Variants in ZC3H6 observed in about 807,000 individuals in gnomAD.
ZC3H6 encodes zinc finger CCCH-type containing 6.
Under a neutral mutation model 107.7 loss-of-function variants are expected in ZC3H6, and 40 were observed. The ratio of observed to expected loss-of-function variants is 0.37; its 90% CI spans 0.29 to 0.48. The LOEUF is 0.48. ZC3H6 is among the 20% of genes least tolerant of loss of function. The pLI, the probability that ZC3H6 is intolerant of heterozygous loss-of-function variation, is 0.98. For synonymous variants in ZC3H6, 493 were observed against 487.9 expected (o/e 1.01, Z -0.14); for missense variants, 1,267 against 1,410.4 (o/e 0.90, Z 1.63).
intron 4 of ZC3H6, among the ~76,000 whole-genome samples, chr2:112,310,868 AATTTGGTT>A (rs1468838671): frequency 6.6e-6 from 1 of 152,198 alleles, no homozygotes; most frequent in Non-Finnish European, 1.5e-5. Flanking sequence ...GTTATGAGTA[AATTTGGTT>A]ATTTCTATGA....
rs755810435 is a variant in ZC3H6, at chr2:112,331,485, T to C, written c.2567T>C (p.Leu856Ser). 1 of 1,613,986 alleles carries C rather than the reference T, an allele frequency of 6.2e-7. No homozygotes were observed. The highest frequency in any genetic ancestry group is 1.1e-5 in the South Asian group (1 of 91,082). Residue 856 changes from leucine to serine, a missense_variant, in exon 12 of 12, where the codon TTG becomes TCG. This residue lies in a region of ZC3H6 where 925 missense variants were observed against 1,025.7 expected (regional missense o/e 0.90). Transcript: ENST00000409871. ...GIMLQDPRSQ[L>S]RQFSHIKMDI... The stretch of plus-strand genomic sequence containing the variant: ...ATGCTCCAGGATCCAAGGTCACAAT[T>C]GAGACAGTTCAGTCACATTAAAATG...
At position 112,324,525 on chromosome 2, in the gene ZC3H6, G is replaced by A; in HGVS notation, c.1714G>A (p.Gly572Ser). ...ACCCAGAGAGAATCACTGTTCTCCA[G>A]GTTCATCATACCAGCAAAGTCCTGG... ...KVPRENHCSPGSSYQQSPGEM... is the reference protein window; with the variant it reads ...KVPRENHCSPSSSYQQSPGEM... The change falls in exon 10 of 12, where the codon GGT (glycine) becomes AGT (serine). Residue 572 changes from glycine (G) to serine (S), a missense_variant. Gly to Ser is a moderately conservative substitution (Grantham distance 56). Around this residue, in one of 3 missense-constraint regions of ZC3H6, gnomAD observed 925 missense variants for 1,025.7 expected, o/e 0.90. Transcript: ENST00000409871. The A allele has an allele frequency of 6.2e-7, 1 of 1,612,970 alleles. No individual in the cohort carries two copies.
chr2:112,307,331 C>T (rs1676494485), intron 3 of ZC3H6, among the ~76,000 whole-genome samples: 1 of 152,084 alleles, frequency 6.6e-6, no homozygotes, highest in African/African-American at 2.4e-5. Context: ...TCAGGGCCTC[C>T]TTTTCCTTTA....
chr2:112,276,233 C>T (rs1686419187), intron 1 of ZC3H6, among the ~76,000 whole-genome samples: 1 of 148,384 alleles, frequency 6.7e-6, no homozygotes, highest in Non-Finnish European at 1.5e-5. Context: ...GAGCCGGGGT[C>T]GCTGCTCGCC....
intron 7 of ZC3H6, among the ~76,000 whole-genome samples, chr2:112,320,073 C>T (rs1349226828): frequency 2.6e-5 from 4 of 152,108 alleles, no homozygotes; most frequent in Non-Finnish European, 4.4e-5. Context: ...GCTGGGATTA[C>T]AGGCATGCAC....
rs776430685 is a variant in ZC3H6 at position 112,332,413 on chromosome 2, C to G, written c.3495C>G (p.Pro1165=). The G allele has an allele frequency of 3.1e-6, 5 of 1,613,190 alleles. No homozygotes were observed. The highest frequency in any genetic ancestry group is 3.4e-6 in the Non-Finnish European group (4 of 1,179,822). ...GQGSPTPDND[P]GRETDDKSLK... ...GGAGCCCGACCCCAGATAATGATCCCGGTAGAGAAACAGATGACAAATCTC... is the reference window on the plus strand; with the variant it reads ...GGAGCCCGACCCCAGATAATGATCCGGGTAGAGAAACAGATGACAAATCTC... Residue 1165 remains proline (P), a synonymous_variant, in exon 12 of 12, where the codon CCC becomes CCG. Coordinates refer to ENST00000409871, the MANE Select transcript of ZC3H6 (RefSeq NM_198581.3).
At chr2:112,280,376 TCTGA>T (rs1031037090) in intron 1 of ZC3H6, among the ~76,000 whole-genome samples, 1 of 152,250 alleles carries the variant, frequency 6.6e-6, no homozygotes, top group African/African-American at 2.4e-5. Context: ...TGTAAAGCAC[TCTGA>T]CTCTCAGGAA....
At chr2:112,289,318 TTTTC>T in intron 1 of ZC3H6, among the ~76,000 whole-genome samples, 1 of 79,096 alleles carries the variant, frequency 1.3e-5, no homozygotes. Context: ...TTTTTTTTCT[TTTTC>T]TTTTTTTTTT....
chr2:112,332,052 G>A lies in ZC3H6; in HGVS notation c.3134G>A (p.Gly1045Asp). The A allele has an allele frequency of 6.2e-7, 1 of 1,613,998 alleles. No homozygotes were observed. The highest frequency in any genetic ancestry group is 8.5e-7 in the Non-Finnish European group (1 of 1,179,886). The change falls in exon 12 of 12, where the codon GGT becomes GAT. Residue 1045 changes from glycine (G) to aspartate (D), a missense_variant. By Grantham distance (94) the Gly-to-Asp change is moderately conservative (BLOSUM62 -1). This residue lies in a region of ZC3H6 where 925 missense variants were observed against 1,025.7 expected (regional missense o/e 0.90). Coordinates refer to ENST00000409871, the MANE Select transcript of ZC3H6 (RefSeq NM_198581.3). ...GGAACTTCCACTTCAGTTCTTAGTG[G>A]TATTAGTTTGTATGACCCTAGGGAT... is the stretch of plus-strand genomic sequence containing the variant. ...PLGTSTSVLSGISLYDPRDHG... is the reference protein window; with the variant it reads ...PLGTSTSVLSDISLYDPRDHG...
At chr2:112,313,408 T>G (rs1361194584) in intron 5 of ZC3H6, among the ~76,000 whole-genome samples, 1 of 152,152 alleles carries the variant, frequency 6.6e-6, no homozygotes, top group Admixed American at 6.5e-5. Flanking sequence ...CTATACCCAG[T>G]TCTTACACCC....
chr2:112,320,257 T>C (rs1171248455), intron 7 of ZC3H6, among the ~76,000 whole-genome samples: 1 of 152,180 alleles, frequency 6.6e-6, no homozygotes, highest in Non-Finnish European at 1.5e-5. Context: ...TTTAGAAAAA[T>C]GAAATCTATA....
At chr2:112,303,388 T>C in intron 3 of ZC3H6, 37 bp downstream of exon 3, 3 of 1,516,344 alleles carry the variant, frequency 2.0e-6, no homozygotes, top group African/African-American at 1.4e-5. Context: ...AAAACATAGA[T>C]AGCATAAAAT....
At position 112,331,289 on chromosome 2, in the gene ZC3H6, A is replaced by T. The variant is rs769683116; in HGVS notation, c.2371A>T (p.Asn791Tyr). The T allele has an allele frequency of 6.2e-7, 1 of 1,613,680 alleles. No individual in the cohort carries two copies. Among genetic ancestry groups the T allele is most frequent in the Non-Finnish European group, 8.5e-7 (1 of 1,179,888 alleles). ...GTGGGATCCCAGGAAATTGAGAGGGAATGGAAGTGGTCACATAGGCTCTTC... is the reference window on the plus strand; with the variant it reads ...GTGGGATCCCAGGAAATTGAGAGGGTATGGAAGTGGTCACATAGGCTCTTC... ...LAWDPRKLRG[N>Y]GSGHIGSSVG... The change falls in exon 12 of 12, where the codon AAT (asparagine) becomes TAT (tyrosine). Residue 791 changes from asparagine to tyrosine, a missense_variant. Transcript: ENST00000409871.
intron 5 of ZC3H6, among the ~76,000 whole-genome samples, chr2:112,313,641 T>G (rs150789904): frequency 6.6e-6 from 1 of 152,330 alleles, no homozygotes; most frequent in Admixed American, 6.5e-5. Context: ...ATCAGTCATG[T>G]CAATTTATTG....
At chr2:112,308,626 T>G (rs1303684097) in intron 3 of ZC3H6, among the ~76,000 whole-genome samples, 1 of 150,146 alleles carries the variant, frequency 6.7e-6, no homozygotes, top group Non-Finnish European at 1.5e-5. Flanking sequence ...GAGACGGTGT[T>G]TCACCATGTT....
At chr2:112,277,681 CTA>C (rs1187820331) in intron 1 of ZC3H6, among the ~76,000 whole-genome samples, 7 of 152,006 alleles carry the variant, frequency 4.6e-5, no homozygotes, top group Non-Finnish European at 8.8e-5. Context: ...AAAATTCGGA[CTA>C]AAAGTATTTT....
chr2:112,290,189 A>G (rs1676084210), intron 1 of ZC3H6, among the ~76,000 whole-genome samples: 1 of 152,220 alleles, frequency 6.6e-6, no homozygotes. Flanking sequence ...GGTGACCACC[A>G]TTTCCTGACA....
intron 1 of ZC3H6, among the ~76,000 whole-genome samples, chr2:112,283,752 C>CT (rs1204954556): frequency 9.8e-5 from 15 of 152,316 alleles, no homozygotes; most frequent in African/African-American, 3.6e-4. Context: ...TCTCAGCCAT[C>CT]TTTCCCTTGC....
chr2:112,312,421 A>C (rs762189299), intron 5 of ZC3H6, among the ~76,000 whole-genome samples: 7 of 152,226 alleles, frequency 4.6e-5, no homozygotes, highest in Non-Finnish European at 8.8e-5. Flanking sequence ...GTAGATATTC[A>C]ATAAATATAT....
Sources: gnomAD v4.1 joint callset for allele counts (sites outside exome capture counted in the v4.1 genomes callset) on GRCh38, gnomAD v4.1.1 for gene constraint, gnomAD v4.1.1 regional missense constraint, MANE v1.5 for transcripts, NCBI Gene and HGNC (gene_info 2026-07-23, HGNC 2026-07-21) for gene names.